VTI1A: variants seen among roughly 807,000 people sequenced by gnomAD.
The protein encoded by VTI1A is vesicle transport through interaction with t-SNAREs homolog 1A.
VTI1A carries 22 observed loss-of-function variants against 34.9 expected under a neutral mutation model. The observed-to-expected ratio is 0.63, with a 90% confidence interval of 0.45 to 0.90. VTI1A has a LOEUF of 0.90. Among genes scored for constraint, VTI1A ranks in the 40% least tolerant of loss-of-function variants. The probability of loss-of-function intolerance (pLI) is 0.00; values close to 1 mark genes in which losing one functional copy is unlikely to be tolerated. For missense variants in VTI1A, 268 were observed against 275.6 expected (o/e 0.97, Z 0.20); for synonymous variants, 87 against 97.3 (o/e 0.89, Z 0.62).
intron 7 of VTI1A, among the ~76,000 whole-genome samples, chr10:112,783,401 G>GCACGCA (rs1852192270): frequency 6.7e-6 from 1 of 150,310 alleles, no homozygotes; most frequent in Non-Finnish European, 1.5e-5. Context: ...GCGTGCACGT[G>GCACGCA]CACACACACA....
intron 1 of VTI1A, among the ~76,000 whole-genome samples, chr10:112,459,815 A>C (rs1847670140): frequency 6.6e-6 from 1 of 152,234 alleles, no homozygotes; most frequent in Non-Finnish European, 1.5e-5. Context: ...ACTTGATTGT[A>C]TTAGAAAAAT....
At chr10:112,787,698 CTTTTTT>C (rs34862909) in intron 7 of VTI1A, among the ~76,000 whole-genome samples, 1 of 103,278 alleles carries the variant, frequency 9.7e-6, no homozygotes, top group African/African-American at 3.9e-5. Context: ...TTTTTCTTTT[CTTTTTT>C]TTTTTTTTTT....
intron 5 of VTI1A, among the ~76,000 whole-genome samples, chr10:112,630,933 C>G (rs1310628365): frequency 6.6e-6 from 1 of 152,090 alleles, no homozygotes; most frequent in Non-Finnish European, 1.5e-5. Context: ...ACCAGCCTGA[C>G]CAATATGATG....
intron 7 of VTI1A, among the ~76,000 whole-genome samples, chr10:112,745,357 A>T (rs1287082643): frequency 6.6e-6 from 1 of 152,060 alleles, no homozygotes; most frequent in Admixed American, 6.6e-5. Context: ...TTGTCTATAT[A>T]TGAGCTGTAG....
rs990730479 is a variant in VTI1A, at chr10:112,818,586, A to G, written c.*3203A>G. On this transcript the variant is annotated 3_prime_UTR_variant, in exon 8 of 8. Transcript: ENST00000393077. ...AAGTCACGACTGACTGACAGCCGTC[A>G]GTCCCAGAGGGGCTCATTAAATCAT... 4.5e-6 allele frequency: 1 copy of G among 221,818 alleles called. No individual in the cohort carries two copies. The highest frequency in any genetic ancestry group is 9.0e-6 in the Non-Finnish European group (1 of 110,544). 13.7% of individuals were successfully genotyped at this position (221,818 alleles called of 1,614,324 possible).
intron 3 of VTI1A, among the ~76,000 whole-genome samples, chr10:112,520,464 C>T (rs1849972885): frequency 6.6e-6 from 1 of 151,964 alleles, no homozygotes; most frequent in South Asian, 2.1e-4. Flanking sequence ...AAATGAAGAA[C>T]TGCAGTTACA....
chr10:112,654,486 TTTTATTTATTTA>T (rs1364841908), intron 5 of VTI1A, among the ~76,000 whole-genome samples: 2 of 152,036 alleles, frequency 1.3e-5, no homozygotes, highest in African/African-American at 2.4e-5. Context: ...TTCTTTTTCT[TTTTATTTATTTA>T]TTTATTTATT....
At chr10:112,830,297 C>A in the VTI1A span, among the ~76,000 whole-genome samples, 1 of 151,920 alleles carries the variant, frequency 6.6e-6, no homozygotes, top group Non-Finnish European at 1.5e-5. Flanking sequence ...CCTGGCCAGG[C>A]ATTTTATGTC....
At chr10:112,532,444 AG>A (rs1850481264) in intron 4 of VTI1A, among the ~76,000 whole-genome samples, 1 of 152,202 alleles carries the variant, frequency 6.6e-6, no homozygotes, top group Admixed American at 6.5e-5. Context: ...GTTACAACAT[AG>A]GTTTCAGTTT....
rs536271418 is a variant in VTI1A, at chr10:112,818,225, C to T, written c.*2842C>T. 1.7e-5 allele frequency: 4 copies of T among 232,890 alleles called. No individual in the cohort carries two copies. Among genetic ancestry groups the T allele is most frequent in the East Asian group, 6.1e-5 (1 of 16,506 alleles). The allele number at this position is 232,890 out of a possible 1,614,324, so 14.4% of individuals were successfully genotyped here. ...GAAATTAATGGTGAACAAAATTGTG[C>T]GGCTCTGGCCATCCCATGCGGGGCA... On this transcript the variant is annotated 3_prime_UTR_variant, in exon 8 of 8. Coordinates refer to ENST00000393077, the MANE Select transcript of VTI1A (RefSeq NM_145206.4).
intron 5 of VTI1A, among the ~76,000 whole-genome samples, chr10:112,609,049 A>C (rs1002666465): frequency 4.6e-5 from 7 of 152,202 alleles, no homozygotes; most frequent in Admixed American, 2.0e-4. Flanking sequence ...TATAGAAATA[A>C]TTATCATTGG....
chr10:112,633,908 C>A (rs1022906), intron 5 of VTI1A, among the ~76,000 whole-genome samples: 87,867 of 151,012 alleles, frequency 0.58, 26,707 homozygotes, highest in Non-Finnish European at 0.68. Flanking sequence ...AGTTAACAAA[C>A]GGAAAAAAGG....
chr10:112,815,503 C>T lies in VTI1A; in HGVS notation c.*120C>T. 1 of 827,916 alleles carries T rather than the reference C, an allele frequency of 1.2e-6. No homozygotes were observed. Among genetic ancestry groups the T allele is most frequent in the Non-Finnish European group, 2.0e-6 (1 of 495,310 alleles). The allele number at this position is 827,916 out of a possible 1,614,324, so 51.3% of individuals were successfully genotyped here. A position where few individuals can be genotyped will look rare whatever the true frequency, so the allele number is the denominator to read the frequency against. Reference sequence around the variant, plus strand: ...CCCAGGTGACCCTCTCTCTCCCTCACCGCCGTTGGGCTGAAGTGCAAAGAG... The same window carrying T: ...CCCAGGTGACCCTCTCTCTCCCTCATCGCCGTTGGGCTGAAGTGCAAAGAG... On this transcript the variant is annotated 3_prime_UTR_variant, in exon 8 of 8. Coordinates refer to ENST00000393077, the MANE Select transcript of VTI1A (RefSeq NM_145206.4).
chr10:112,765,037 C>G (rs182328726), intron 7 of VTI1A, among the ~76,000 whole-genome samples: 1 of 152,138 alleles, frequency 6.6e-6, no homozygotes. Context: ...TCCCCATGTC[C>G]TGGTTGGATA....
intron 7 of VTI1A, among the ~76,000 whole-genome samples, chr10:112,687,216 C>A (rs1236312974): frequency 2.3e-5 from 3 of 129,320 alleles, no homozygotes; most frequent in East Asian, 2.6e-4. Context: ...AGGCATACTA[C>A]AACTTTTTTT....
chr10:112,485,770 T>G lies in VTI1A; in HGVS notation c.264+21113T>G, dbSNP rs183014426. Among the ~76,000 whole-genome samples the G allele has an allele frequency of 2.2e-3, 337 of 152,322 alleles. 2 individuals are homozygous for G. The highest frequency in any genetic ancestry group is 7.3e-3 in the African/African-American group (302 of 41,566). Reference sequence around the variant, plus strand: ...GAAAAGATGTTAGTTTTAAGTTGCCTGTATCTTTTAACTTTATTTCAAAGT... The same window carrying G: ...GAAAAGATGTTAGTTTTAAGTTGCCGGTATCTTTTAACTTTATTTCAAAGT... On this transcript the variant is annotated intron_variant, in intron 3 of 7. Transcript: ENST00000393077.
At chr10:112,708,878 T>C (rs919761749) in intron 7 of VTI1A, among the ~76,000 whole-genome samples, 4 of 152,228 alleles carry the variant, frequency 2.6e-5, no homozygotes, top group African/African-American at 9.6e-5. Flanking sequence ...CCTAAAAACA[T>C]GTTTCGTAGT....
At chr10:112,773,304 T>G (rs778739817) in intron 7 of VTI1A, among the ~76,000 whole-genome samples, 1 of 152,150 alleles carries the variant, frequency 6.6e-6, no homozygotes, top group Non-Finnish European at 1.5e-5. Flanking sequence ...GGAAAGCACA[T>G]AGTACCTGGT....
chr10:112,574,161 CAAAT>C (rs1307723003), intron 5 of VTI1A, among the ~76,000 whole-genome samples: 2 of 151,998 alleles, frequency 1.3e-5, no homozygotes, highest in African/African-American at 4.8e-5. Context: ...AAAATAAAAT[CAAAT>C]AAGTTTGAGG....
Sources: gnomAD v4.1 joint callset for allele counts (sites outside exome capture counted in the v4.1 genomes callset) on GRCh38, gnomAD v4.1.1 for gene constraint, MANE v1.5 for transcripts, NCBI Gene and HGNC (gene_info 2026-07-23, HGNC 2026-07-21) for gene names.